Variants in RBFOX1 observed in about 807,000 individuals in gnomAD.
The protein encoded by RBFOX1 is RNA binding protein fox-1 homolog 1.
In RBFOX1, 8 loss-of-function variants were observed where a neutral mutation model predicts 57.7. The observed-to-expected ratio is 0.14, with a 90% CI of 0.08 to 0.25. RBFOX1 has a LOEUF of 0.25. Ranked by LOEUF, RBFOX1 falls within the 10% of genes least tolerant of loss-of-function variation. The probability of loss-of-function intolerance (pLI) is 1.00; values close to 1 mark genes in which losing one functional copy is unlikely to be tolerated. For missense variants in RBFOX1, 611 were observed against 548.5 expected (o/e 1.11, Z -1.14); for synonymous variants, 326 against 222.4 (o/e 1.47, Z -4.15).
chr16:7,565,543 A>G (rs2091470314), intron 5 of RBFOX1, among the ~76,000 whole-genome samples: 1 of 152,190 alleles, frequency 6.6e-6, no homozygotes, highest in African/African-American at 2.4e-5. Flanking sequence ...CTCGGCGCCC[A>G]GCATTACTGG....
intron 1 of RBFOX1, among the ~76,000 whole-genome samples, chr16:6,264,274 G>A (rs1197282570): frequency 1.3e-5 from 2 of 152,160 alleles, no homozygotes; most frequent in Admixed American, 6.5e-5. Flanking sequence ...AAGGAAGTAT[G>A]CAACCGTTTC....
At chr16:6,208,125 T>C (rs989598829) in intron 1 of RBFOX1, among the ~76,000 whole-genome samples, 1 of 152,000 alleles carries the variant, frequency 6.6e-6, no homozygotes, top group Non-Finnish European at 1.5e-5. Context: ...TGATAGTATA[T>C]AATGAAGTGT....
rs192337987 is a variant in RBFOX1 at position 6,888,962 on chromosome 16, G to C, written c.-15-163095G>C. On this transcript the variant is annotated intron_variant, in intron 3 of 15. Transcript: ENST00000550418. Reference sequence around the variant, plus strand: ...AATCACTTACTTACTGTAGGTATGGGCAGACACAGCTTTTCTGTTTCTTAA... The same window carrying C: ...AATCACTTACTTACTGTAGGTATGGCCAGACACAGCTTTTCTGTTTCTTAA... 2.3e-3 allele frequency among the ~76,000 whole-genome samples: 351 copies of C among 152,258 alleles called. 6 individuals are homozygous for C. The highest frequency in any genetic ancestry group is 0.017 in the Admixed American group (256 of 15,282).
intron 1 of RBFOX1, among the ~76,000 whole-genome samples, chr16:6,311,211 T>G (rs574222969): frequency 8.1e-5 from 12 of 148,308 alleles, no homozygotes; most frequent in Admixed American, 2.1e-4. Context: ...CAGAAGAATC[T>G]CTTGAACACA....
intron 3 of RBFOX1, among the ~76,000 whole-genome samples, chr16:6,854,707 G>C (rs897601826): frequency 1.4e-5 from 2 of 146,140 alleles, no homozygotes; most frequent in African/African-American, 2.6e-5. Context: ...TCGTTCTCCT[G>C]CGTCAGCCTC....
chr16:5,662,758 T>C (rs970547028), intron 3 of RBFOX1, among the ~76,000 whole-genome samples: 1 of 152,362 alleles, frequency 6.6e-6, no homozygotes, highest in South Asian at 2.1e-4. Flanking sequence ...CCAGTGCTAG[T>C]TGAAACTGAA....
At chr16:6,410,136 CA>C (rs920210281) in intron 2 of RBFOX1, among the ~76,000 whole-genome samples, 3 of 149,730 alleles carry the variant, frequency 2.0e-5, no homozygotes, top group African/African-American at 7.4e-5. Context: ...TTTTCTTCTT[CA>C]TTGCAGTTTA....
chr16:6,307,689 A>G (rs533234893), intron 1 of RBFOX1, among the ~76,000 whole-genome samples: 72 of 147,368 alleles, frequency 4.9e-4, no homozygotes, highest in African/African-American at 1.7e-3. Flanking sequence ...ATTTTTATAA[A>G]TGATAATCAT....
At chr16:6,747,445 A>AGTCTGTCT (rs367859716) in intron 3 of RBFOX1, among the ~76,000 whole-genome samples, 27,409 of 83,142 alleles carry the variant, frequency 0.33, 2,756 homozygotes, top group Admixed American at 0.45. Context: ...TCAGTCAGTT[A>AGTCTGTCT]GTCTGTCTGT....
intron 3 of RBFOX1, among the ~76,000 whole-genome samples, chr16:6,987,743 G>A (rs1187078144): frequency 6.6e-6 from 1 of 152,166 alleles, no homozygotes. Context: ...CACCTGTGTG[G>A]TGCCTCTTGC....
intron 3 of RBFOX1, among the ~76,000 whole-genome samples, chr16:6,796,124 G>A (rs201825312): frequency 2.3e-4 from 35 of 151,234 alleles, no homozygotes; most frequent in African/African-American, 7.1e-4. Flanking sequence ...CAGTCATGGC[G>A]GAAGGTGAAA....
intron 1 of RBFOX1, among the ~76,000 whole-genome samples, chr16:6,258,101 T>A (rs985809137): frequency 2.0e-5 from 3 of 152,170 alleles, no homozygotes; most frequent in Admixed American, 1.3e-4. Context: ...AAAATTCCCA[T>A]GCCCTTATCC....
intron 1 of RBFOX1, among the ~76,000 whole-genome samples, chr16:6,031,058 G>C (rs1056755384): frequency 1.3e-5 from 2 of 152,124 alleles, no homozygotes; most frequent in African/African-American, 4.8e-5. Context: ...GTATTAAAAC[G>C]GCAACAGAAT....
chr16:5,714,276 A>T (rs1463303769), intron 3 of RBFOX1, among the ~76,000 whole-genome samples: 2 of 152,242 alleles, frequency 1.3e-5, no homozygotes, highest in Admixed American at 6.5e-5. Flanking sequence ...GGCTCAAGGC[A>T]GAAATGATAA....
rs138796490 is a variant in RBFOX1, at chr16:7,182,827, T to C, written c.27+130729T>C. On this transcript the variant is annotated intron_variant, in intron 4 of 15. Coordinates refer to ENST00000550418, the MANE Select transcript of RBFOX1 (RefSeq NM_018723.4). ...GAAATGCCTTCCCTTAATCTCCACA[T>C]TCCTGAGTTTTTTATGGCAATTGCA... Among the ~76,000 whole-genome samples, 96 of 152,280 alleles carry C rather than the reference T, an allele frequency of 6.3e-4. 1 individual carries two copies. In the East Asian group the frequency reaches 0.012, roughly 20 times the overall value.
At chr16:6,395,002 T>C (rs1310281902) in intron 2 of RBFOX1, among the ~76,000 whole-genome samples, 2 of 152,226 alleles carry the variant, frequency 1.3e-5, no homozygotes, top group Non-Finnish European at 2.9e-5. Flanking sequence ...AGGAAAATGA[T>C]AATCAGGGAA....
At chr16:7,001,398 T>TGTATGTGTATGTGTATGTGTATG (rs2092782327) in intron 3 of RBFOX1, among the ~76,000 whole-genome samples, 1 of 100,890 alleles carries the variant, frequency 9.9e-6, no homozygotes, top group African/African-American at 3.5e-5. Flanking sequence ...GTATGTGTAT[T>TGTATGTGTATGTGTATGTGTATG]TGTATATGTA....
chr16:6,895,881 C>G (rs1330474923), intron 3 of RBFOX1, among the ~76,000 whole-genome samples: 1 of 151,894 alleles, frequency 6.6e-6, no homozygotes, highest in Non-Finnish European at 1.5e-5. Context: ...AGTACTCATC[C>G]TCTTATGTCA....
At chr16:5,555,211 G>T (rs1291252836) in intron 2 of RBFOX1, among the ~76,000 whole-genome samples, 1 of 152,014 alleles carries the variant, frequency 6.6e-6, no homozygotes, top group African/African-American at 2.4e-5. Flanking sequence ...CTATTAGGTT[G>T]GTGCAAAAGT....
Sources: allele counts gnomAD v4.1 joint callset (sites outside exome capture counted in the v4.1 genomes callset), GRCh38; gene constraint gnomAD v4.1.1; transcripts MANE v1.5; gene names NCBI Gene and HGNC (gene_info 2026-07-23, HGNC 2026-07-21).